The following PTPRR variants were observed in gnomAD, a reference collection of about 807,000 sequenced individuals.
PTPRR encodes the protein protein tyrosine phosphatase receptor type R.
A neutral mutation model predicts 77.2 loss-of-function variants in PTPRR; 38 were observed. That is an observed-to-expected ratio of 0.49 (90% CI 0.38 to 0.65). The LOEUF is 0.65. PTPRR is among the 30% of genes least tolerant of loss of function. The pLI, the probability that PTPRR is intolerant of heterozygous loss-of-function variation, is 0.00. For missense variants in PTPRR, 744 were observed against 799.2 expected (o/e 0.93, Z 0.83); for synonymous variants, 299 against 283.1 (o/e 1.06, Z -0.57).
rs74619933 is a variant in PTPRR at position 70,706,301 on chromosome 12, G to A, written c.1008-4978C>T. On this transcript the variant is annotated intron_variant, in intron 6 of 13. Transcript: ENST00000283228. The stretch of plus-strand genomic sequence containing the variant: ...GATAGGATAAAACAGAAATAAACAC[G>A]GACCACTAGGAAAGTTAAATTGTGA... Among the ~76,000 whole-genome samples the A allele has an allele frequency of 1.2e-4, 18 of 152,016 alleles. No homozygotes were observed. In the East Asian group the frequency reaches 1.7e-3, roughly 15 times the overall value.
In PTPRR at chr12:70,675,297, T is replaced by C. The variant is rs191948967; in HGVS notation, c.1497+8830A>G. On this transcript the variant is annotated intron_variant, in intron 10 of 13. Coordinates refer to ENST00000283228, the MANE Select transcript of PTPRR (RefSeq NM_002849.4). ...GCAAGTTATTTGTTTATATTTAGTA[T>C]GATTTGGATTTTTTTCTATCTCCCA... 8.5e-5 allele frequency among the ~76,000 whole-genome samples: 13 copies of C among 152,176 alleles called. No homozygotes were observed. In the East Asian group the frequency reaches 2.5e-3, roughly 29 times the overall value.
intron 4 of PTPRR, chr12:70,754,883 T>C (rs79233297): frequency 0.028 from 17,576 of 619,396 alleles, 288 homozygotes; most frequent in Middle Eastern, 0.059. Flanking sequence ...ATACATATTG[T>C]TAGAATATCA....
chr12:70,662,474 G>C, intron 11 of PTPRR, 21 bp downstream of exon 11: 2 of 1,416,348 alleles, frequency 1.4e-6, no homozygotes, highest in Non-Finnish European at 9.9e-7. Flanking sequence ...TTTGTAGATG[G>C]CTATAGCTAC....
chr12:70,752,034 T>C (rs1890415683), intron 5 of PTPRR, among the ~76,000 whole-genome samples: 1 of 152,206 alleles, frequency 6.6e-6, no homozygotes, highest in Non-Finnish European at 1.5e-5. Context: ...ACCACTGATA[T>C]TTTCTATAGG....
At chr12:70,788,409 C>T (rs1429195256) in intron 2 of PTPRR, among the ~76,000 whole-genome samples, 2 of 152,180 alleles carry the variant, frequency 1.3e-5, no homozygotes, top group African/African-American at 4.8e-5. Context: ...TCTCAATTTT[C>T]GTTTCTAGTT....
At chr12:70,682,398 G>C (rs1269167601) in intron 10 of PTPRR, among the ~76,000 whole-genome samples, 1 of 152,138 alleles carries the variant, frequency 6.6e-6, no homozygotes, top group African/African-American at 2.4e-5. Context: ...TTTATGTAAG[G>C]TCTCAGTTCC....
At chr12:70,700,304 T>G (rs1888373047) in intron 7 of PTPRR, among the ~76,000 whole-genome samples, 1 of 152,162 alleles carries the variant, frequency 6.6e-6, no homozygotes, top group African/African-American at 2.4e-5. Context: ...ATATTCTCCT[T>G]GGGCAACAAT....
At chr12:70,660,581 A>G (rs1048288826) in intron 12 of PTPRR, among the ~76,000 whole-genome samples, 5 of 152,244 alleles carry the variant, frequency 3.3e-5, no homozygotes, top group Non-Finnish European at 5.9e-5. Flanking sequence ...GCCACTGATA[A>G]TTTCAAAAAG....
At chr12:70,751,566 A>G (rs1890398348) in intron 5 of PTPRR, among the ~76,000 whole-genome samples, 1 of 152,216 alleles carries the variant, frequency 6.6e-6, no homozygotes, top group Admixed American at 6.5e-5. Flanking sequence ...CCCTCTGCCT[A>G]GGGGTCCTTT....
At chr12:70,657,868 T>G (rs1206078634) in intron 12 of PTPRR, among the ~76,000 whole-genome samples, 1 of 152,160 alleles carries the variant, frequency 6.6e-6, no homozygotes, top group Non-Finnish European at 1.5e-5. Context: ...CTATAGACTG[T>G]AATCACGTTT....
At chr12:70,881,457 G>A (rs533749724) in intron 2 of PTPRR, among the ~76,000 whole-genome samples, 4 of 152,236 alleles carry the variant, frequency 2.6e-5, no homozygotes, top group African/African-American at 4.8e-5. Flanking sequence ...TCCCACAATT[G>A]TAGAAATTGT....
intron 10 of PTPRR, among the ~76,000 whole-genome samples, chr12:70,666,876 TAA>T (rs571743801): frequency 1.0e-4 from 15 of 145,640 alleles, no homozygotes; most frequent in Non-Finnish European, 2.3e-4. Context: ...TGTTTTAAAA[TAA>T]AATACTTTTT....
chr12:70,770,942 G>A (rs1890957528), intron 2 of PTPRR, among the ~76,000 whole-genome samples: 1 of 145,540 alleles, frequency 6.9e-6, no homozygotes. Context: ...CTCATAGGTG[G>A]GAATTGAACA....
At chr12:70,878,703 A>G (rs77136543) in intron 2 of PTPRR, among the ~76,000 whole-genome samples, 5 of 152,174 alleles carry the variant, frequency 3.3e-5, no homozygotes, top group Non-Finnish European at 2.9e-5. Context: ...CGATTCCTCA[A>G]GGATCTAGAA....
intron 2 of PTPRR, among the ~76,000 whole-genome samples, chr12:70,867,417 G>A (rs1344380151): frequency 2.0e-5 from 3 of 151,982 alleles, no homozygotes; most frequent in Non-Finnish European, 4.4e-5. Flanking sequence ...GCCAAATCAC[G>A]AGTGAACTCC....
chr12:70,752,655 G>A (rs1355320356), intron 5 of PTPRR, among the ~76,000 whole-genome samples: 1 of 152,068 alleles, frequency 6.6e-6, no homozygotes, highest in Non-Finnish European at 1.5e-5. Flanking sequence ...TTGCTCTTCT[G>A]AATCACATCC....
chr12:70,774,248 C>G (rs1344036312), intron 2 of PTPRR, among the ~76,000 whole-genome samples: 1 of 152,150 alleles, frequency 6.6e-6, no homozygotes, highest in African/African-American at 2.4e-5. Context: ...GCCTGAATCC[C>G]CAGAGGCAGG....
At chr12:70,796,310 G>C (rs1164259128) in intron 2 of PTPRR, among the ~76,000 whole-genome samples, 1 of 152,028 alleles carries the variant, frequency 6.6e-6, no homozygotes, top group Non-Finnish European at 1.5e-5. Context: ...TGAGTAAAAT[G>C]AGTTTATGTG....
chr12:70,802,165 GAAATA>G (rs1891628367), intron 2 of PTPRR, among the ~76,000 whole-genome samples: 2 of 152,048 alleles, frequency 1.3e-5, no homozygotes, highest in South Asian at 4.2e-4. Context: ...CGTTCTCATT[GAAATA>G]AAATAAATAA....
Sources: allele counts gnomAD v4.1 joint callset (sites outside exome capture counted in the v4.1 genomes callset), GRCh38; gene constraint gnomAD v4.1.1; transcripts MANE v1.5; gene names NCBI Gene and HGNC (gene_info 2026-07-23, HGNC 2026-07-21).